The following CEP63 variants were observed in gnomAD, a reference collection of about 807,000 sequenced individuals.
CEP63 encodes centrosomal protein of 63 kDa.
Under a neutral mutation model 89.1 loss-of-function variants are expected in CEP63, and 84 were observed. That is an observed-to-expected ratio of 0.94 (90% CI 0.79 to 1.13). The LOEUF is 1.13. Ranked by LOEUF, CEP63 falls within the 50% of genes most tolerant of loss-of-function variation. The pLI, the probability that CEP63 is intolerant of heterozygous loss-of-function variation, is 0.00. For synonymous variants in CEP63, 267 were observed against 272.5 expected, an observed-to-expected ratio of 0.98 and a Z score of 0.20; for missense variants, 838 against 813.3, an observed-to-expected ratio of 1.03 and a Z score of -0.37.
chr3:134,767,047 C>T, the CEP63 span, among the ~76,000 whole-genome samples: 1 of 152,180 alleles, frequency 6.6e-6, no homozygotes, highest in African/African-American at 2.4e-5. Context: ...ACAGACCAGG[C>T]TTTGCTCTGA....
At chr3:134,568,079 A>G (rs1319217163), downstream of CEP63, among the ~76,000 whole-genome samples, 5 of 152,196 alleles carry the variant, frequency 3.3e-5, no homozygotes. Flanking sequence ...ATGAGCTAAG[A>G]TACTCTTTGA....
intron 9 of CEP63, 132 bp downstream of exon 9, chr3:134,547,604 G>GGTCTTTTTTT: frequency 5.6e-6 from 1 of 179,010 alleles, no homozygotes; most frequent in Non-Finnish European, 9.2e-6. Flanking sequence ...AATGGCCTAA[G>GGTCTTTTTTT]TTCTTATTTC....
At chr3:134,521,970 G>A (rs1947555437) in intron 3 of CEP63, among the ~76,000 whole-genome samples, 2 of 152,098 alleles carry the variant, frequency 1.3e-5, no homozygotes. Flanking sequence ...CATTTCAGCT[G>A]GACTTGGGGG....
At chr3:134,777,852 T>A in the CEP63 span, among the ~76,000 whole-genome samples, 1 of 151,692 alleles carries the variant, frequency 6.6e-6, no homozygotes, top group Non-Finnish European at 1.5e-5. Flanking sequence ...CTTGACCTTG[T>A]GATCTGCCCA....
the CEP63 span, among the ~76,000 whole-genome samples, chr3:134,772,962 T>C: frequency 1.9e-4 from 29 of 152,306 alleles, no homozygotes; most frequent in Non-Finnish European, 3.4e-4. Flanking sequence ...CAAGGCACTG[T>C]GGTCAGTTAA....
chr3:134,749,705 C>CAAAAAAAAAAAAAAAAAAAAAAAAAAAAA, the CEP63 span, among the ~76,000 whole-genome samples: 2 of 49,408 alleles, frequency 4.0e-5, no homozygotes, highest in African/African-American at 6.7e-5. Context: ...AGGGGTTGTT[C>CAAAAAAAAAAAAAAAAAAAAAAAAAAAAA]AAAAAAAAAA....
intron 6 of CEP63, among the ~76,000 whole-genome samples, chr3:134,545,377 G>A (rs1321437001): frequency 4.0e-5 from 6 of 151,878 alleles, no homozygotes; most frequent in South Asian, 2.1e-4. Flanking sequence ...CGATCTGCCT[G>A]CCTCAGCCTC....
At chr3:134,731,819 A>G in the CEP63 span, among the ~76,000 whole-genome samples, 1 of 152,190 alleles carries the variant, frequency 6.6e-6, no homozygotes, top group East Asian at 1.9e-4. Context: ...ATGAAAAGGG[A>G]AAAAGGGAGA....
At chr3:134,523,703 G>T (rs1001100994) in intron 3 of CEP63, among the ~76,000 whole-genome samples, 3 of 152,020 alleles carry the variant, frequency 2.0e-5, no homozygotes, top group African/African-American at 7.2e-5. Context: ...AGTTACAGGT[G>T]TGCAGCCTTA....
At chr3:134,603,987 C>T in the CEP63 span, 1 of 1,613,846 alleles carries the variant, frequency 6.2e-7, no homozygotes, top group South Asian at 1.1e-5. Context: ...CATGGGGCAG[C>T]TGGACTTTCA....
chr3:134,731,011 T>C, the CEP63 span, among the ~76,000 whole-genome samples: 1 of 152,170 alleles, frequency 6.6e-6, no homozygotes, highest in East Asian at 1.9e-4. Flanking sequence ...TATTTATGTT[T>C]TTTAAAGATG....
At chr3:134,527,524 C>T (rs1233780470) in intron 3 of CEP63, among the ~76,000 whole-genome samples, 1 of 152,140 alleles carries the variant, frequency 6.6e-6, no homozygotes, top group Non-Finnish European at 1.5e-5. Flanking sequence ...ACAGCAGTGT[C>T]AAGGTGGATA....
intron 3 of CEP63, chr3:134,510,529 C>T (rs551520725): frequency 4.0e-4 from 166 of 412,458 alleles, no homozygotes; most frequent in African/African-American, 2.9e-3. Context: ...GTATTTTATT[C>T]CCACTGGATG....
chr3:134,541,185 C>T (rs1951922039), intron 6 of CEP63, among the ~76,000 whole-genome samples: 1 of 152,074 alleles, frequency 6.6e-6, no homozygotes, highest in Admixed American at 6.6e-5. Context: ...ACTCAATTTA[C>T]CTTAATTTTT....
chr3:134,550,868 C>T (rs1954673477), intron 11 of CEP63, among the ~76,000 whole-genome samples: 1 of 152,074 alleles, frequency 6.6e-6, no homozygotes, highest in Non-Finnish European at 1.5e-5. Context: ...AGATGGTGGC[C>T]TGAGCAGTGG....
chr3:134,669,844 A>G, the CEP63 span, among the ~76,000 whole-genome samples: 3 of 152,356 alleles, frequency 2.0e-5, no homozygotes, highest in East Asian at 5.8e-4. Flanking sequence ...GATTATTGCT[A>G]TAGACTGAAT....
the CEP63 span, among the ~76,000 whole-genome samples, chr3:134,657,587 C>T: frequency 6.6e-6 from 1 of 151,988 alleles, no homozygotes; most frequent in African/African-American, 2.4e-5. Context: ...CATTGTTGGA[C>T]TTTTAGTTTG....
At chr3:134,486,359 C>T in intron 1 of CEP63, 157 bp downstream of exon 1, 1 of 985,666 alleles carries the variant, frequency 1.0e-6, no homozygotes, top group Middle Eastern at 5.2e-4. Context: ...GGCCGGTTTG[C>T]GCAACGGCCT....
chr3:134,626,738 T>C, the CEP63 span, among the ~76,000 whole-genome samples: 1 of 152,190 alleles, frequency 6.6e-6, no homozygotes, highest in Non-Finnish European at 1.5e-5. Flanking sequence ...TGCCCACTTA[T>C]TGGGGAGCTG....
Sources: gnomAD v4.1 joint callset for allele counts (sites outside exome capture counted in the v4.1 genomes callset) on GRCh38, gnomAD v4.1.1 for gene constraint, MANE v1.5 for transcripts, NCBI Gene and HGNC (gene_info 2026-07-23, HGNC 2026-07-21) for gene names.